RALGPS1: variants seen among roughly 807,000 people sequenced by gnomAD.
RALGPS1 encodes the protein Ral GEF with PH domain and SH3 binding motif 1.
A neutral mutation model predicts 78.8 loss-of-function variants in RALGPS1; 19 were observed. That is an observed-to-expected ratio of 0.24 (90% CI 0.17 to 0.35). The LOEUF (loss-of-function observed/expected upper bound fraction) is 0.35, where lower values mean the gene tolerates loss of function less well. RALGPS1 is among the 10% of genes least tolerant of loss of function. The pLI is 1.00. For missense variants in RALGPS1, 454 were observed against 688.3 expected (o/e 0.66, Z 3.81); for synonymous variants, 228 against 256.3 (o/e 0.89, Z 1.06).
rs539148841 is a variant in RALGPS1 at position 126,959,967 on chromosome 9, G to A, written c.-65-2258G>A. ...AGGCTAGTTCTTCTGAGTGTTCTTG[G>A]GAAGAATGGGAAGGTAGAAGGCTCA... On this transcript the variant is annotated intron_variant, in intron 1 of 18. Coordinates refer to ENST00000259351, the MANE Select transcript of RALGPS1 (RefSeq NM_014636.3). 1.1e-4 allele frequency among the ~76,000 whole-genome samples: 16 copies of A among 152,222 alleles called. 1 individual carries two copies. The highest frequency in any genetic ancestry group is 8.5e-4 in the Admixed American group (13 of 15,298).
chr9:126,946,419 A>G (rs1000945272), intron 1 of RALGPS1, among the ~76,000 whole-genome samples: 5 of 151,576 alleles, frequency 3.3e-5, no homozygotes, highest in Non-Finnish European at 2.9e-5. Context: ...CTGTAATCCC[A>G]GCTACTTGGG....
intron 6 of RALGPS1, among the ~76,000 whole-genome samples, chr9:127,051,911 G>A (rs191690315): frequency 7.9e-5 from 12 of 152,310 alleles, no homozygotes; most frequent in Non-Finnish European, 1.3e-4. Context: ...ATTAGAGGAA[G>A]GGGCAACTGA....
intron 8 of RALGPS1, among the ~76,000 whole-genome samples, chr9:127,116,044 T>G (rs981577856): frequency 2.0e-5 from 3 of 152,178 alleles, no homozygotes; most frequent in Admixed American, 6.5e-5. Flanking sequence ...ATAAGACCAT[T>G]GAATGAACCA....
chr9:127,050,142 T>A lies in RALGPS1; in HGVS notation c.390+10T>A, dbSNP rs761333453. ...TGTGAAAATAGCCAAGGTAAGCTTT[T>A]TATTATTATTTTTCCTTCCTTTCCC... On this transcript the variant is annotated intron_variant, in intron 6 of 18. Transcript: ENST00000259351. 6.3e-7 allele frequency: 1 copy of A among 1,588,488 alleles called. No homozygotes were observed. Among genetic ancestry groups the A allele is most frequent in the South Asian group, 1.1e-5 (1 of 90,530 alleles).
chr9:126,915,027 C>CGACGG (rs2033956660), intron 1 of RALGPS1, 52 bp downstream of exon 1: 1 of 147,334 alleles, frequency 6.8e-6, no homozygotes, highest in Non-Finnish European at 1.5e-5. Flanking sequence ...GAGGCGCGGC[C>CGACGG]GACGGGGCGG....
intron 1 of RALGPS1, among the ~76,000 whole-genome samples, chr9:126,951,838 A>G (rs1286884799): frequency 2.6e-5 from 4 of 152,116 alleles, no homozygotes; most frequent in Non-Finnish European, 4.4e-5. Context: ...GGCAGGAGAA[A>G]GAAATAAAGG....
intron 8 of RALGPS1, among the ~76,000 whole-genome samples, chr9:127,159,265 CT>C (rs2058879218): frequency 6.6e-6 from 1 of 152,164 alleles, no homozygotes. Flanking sequence ...CTCTTTGTGC[CT>C]GTACATTACC....
At chr9:127,073,647 A>T (rs2050413913) in intron 8 of RALGPS1, among the ~76,000 whole-genome samples, 1 of 151,960 alleles carries the variant, frequency 6.6e-6, no homozygotes, top group Admixed American at 6.5e-5. Flanking sequence ...TGGTAGCTCT[A>T]TTTTTAGTTT....
intron 4 of RALGPS1, among the ~76,000 whole-genome samples, chr9:127,020,030 T>C (rs760554337): frequency 6.6e-6 from 1 of 152,196 alleles, no homozygotes; most frequent in Non-Finnish European, 1.5e-5. Context: ...ATATGCTTGT[T>C]TGATTATTAA....
intron 8 of RALGPS1, among the ~76,000 whole-genome samples, chr9:127,096,723 A>G (rs1209776186): frequency 1.3e-5 from 2 of 152,240 alleles, no homozygotes; most frequent in Admixed American, 1.3e-4. Flanking sequence ...AGAAAAATGC[A>G]CAGACTCACA....
chr9:126,996,817 C>G (rs2042811026), intron 4 of RALGPS1, among the ~76,000 whole-genome samples: 1 of 152,164 alleles, frequency 6.6e-6, no homozygotes, highest in Non-Finnish European at 1.5e-5. Flanking sequence ...AGCAGCACAT[C>G]AAAAAGCTTA....
chr9:127,157,237 A>G (rs1341171588), intron 8 of RALGPS1, among the ~76,000 whole-genome samples: 1 of 152,090 alleles, frequency 6.6e-6, no homozygotes, highest in African/African-American at 2.4e-5. Flanking sequence ...TAATTAGGCA[A>G]TAATTGACAT....
intron 2 of RALGPS1, 21 bp from the exon 3 acceptor site, chr9:126,965,823 A>G (rs1175047207): frequency 1.9e-6 from 3 of 1,598,604 alleles, no homozygotes; most frequent in Non-Finnish European, 2.6e-6. Flanking sequence ...AGTTGGCACC[A>G]TCTTTCCCTG....
intron 7 of RALGPS1, among the ~76,000 whole-genome samples, chr9:127,066,318 A>T (rs573851374): frequency 1.3e-5 from 2 of 152,316 alleles, no homozygotes; most frequent in South Asian, 4.1e-4. Flanking sequence ...CCTCCTGAAT[A>T]AGGGGCGTGA....
Position 127,196,561 on chromosome 9 carries a change from A to C in RALGPS1, c.1125A>C (p.Leu375=). ...GGCACCTACTGGACGACAGTGTCCTAGAGTCCCGCAGCCCCCGAAGGGGCC... is the reference window on the plus strand; with the variant it reads ...GGCACCTACTGGACGACAGTGTCCTCGAGTCCCGCAGCCCCCGAAGGGGCC... The part of the protein sequence containing the change: ...KARHLLDDSV[L]ESRSPRRGLA... The change falls in exon 13 of 19, where the codon CTA becomes CTC. Residue 375 remains leucine (L), a synonymous_variant. Coordinates refer to ENST00000259351, the MANE Select transcript of RALGPS1 (RefSeq NM_014636.3). 6.2e-7 allele frequency: 1 copy of C among 1,614,168 alleles called. No homozygotes were observed.
chr9:126,927,986 A>G (rs1478615588), intron 1 of RALGPS1, among the ~76,000 whole-genome samples: 2 of 152,146 alleles, frequency 1.3e-5, no homozygotes, highest in Non-Finnish European at 2.9e-5. Context: ...AATTTCTGGA[A>G]CTTATTGTTG....
At chr9:127,045,485 T>A (rs1024771700) in intron 5 of RALGPS1, among the ~76,000 whole-genome samples, 1 of 152,070 alleles carries the variant, frequency 6.6e-6, no homozygotes, top group Non-Finnish European at 1.5e-5. Context: ...TGTACTGGAA[T>A]CAAACAATAT....
chr9:126,963,896 G>A (rs980248647), intron 2 of RALGPS1, among the ~76,000 whole-genome samples: 3 of 152,210 alleles, frequency 2.0e-5, no homozygotes, highest in Non-Finnish European at 4.4e-5. Context: ...TAGAAGTATA[G>A]AACGGTTTGT....
At chr9:127,115,346 C>T (rs2055289303) in intron 8 of RALGPS1, among the ~76,000 whole-genome samples, 1 of 152,196 alleles carries the variant, frequency 6.6e-6, no homozygotes, top group African/African-American at 2.4e-5. Flanking sequence ...CCTGTCACCA[C>T]ACCTGGCTAA....
Sources: allele counts gnomAD v4.1 joint callset (sites outside exome capture counted in the v4.1 genomes callset), GRCh38; gene constraint gnomAD v4.1.1; transcripts MANE v1.5; gene names NCBI Gene and HGNC (gene_info 2026-07-23, HGNC 2026-07-21).